DNAH12: variants seen among roughly 807,000 people sequenced by gnomAD.
The protein encoded by DNAH12 is axonemal beta dynein heavy chain 12.
In DNAH12, 285 loss-of-function variants were observed where a neutral mutation model predicts 371.5. The observed-to-expected ratio is 0.77, with a 90% CI of 0.70 to 0.85. The LOEUF is 0.85. Among genes scored for constraint, DNAH12 ranks in the 40% least tolerant of loss-of-function variants. The pLI is 0.00. For missense variants in DNAH12, 3,611 were observed against 3,689.4 expected (o/e 0.98, Z 0.55); for synonymous variants, 1,200 against 1,213.0 (o/e 0.99, Z 0.22).
chr3:57,493,659 A>G (rs919307782), intron 11 of DNAH12: 1 of 152,154 alleles, frequency 6.6e-6, no homozygotes, highest in African/African-American at 2.4e-5. Flanking sequence ...CCAAAAAAGC[A>G]TTAAACAAAC....
intron 42 of DNAH12, among the ~76,000 whole-genome samples, 172 bp from the exon 43 acceptor site, chr3:57,403,673 C>T (rs1420524685): frequency 6.6e-6 from 1 of 152,098 alleles, no homozygotes; most frequent in Non-Finnish European, 1.5e-5. Context: ...AAAGCAGTTA[C>T]AACTGGATCA....
intron 70 of DNAH12, 106 bp from the exon 71 acceptor site, chr3:57,297,090 C>G: frequency 7.7e-7 from 1 of 1,303,760 alleles, no homozygotes; most frequent in Non-Finnish European, 1.1e-6. Flanking sequence ...CCCACATTTT[C>G]CATCACGAGG....
intron 56 of DNAH12, among the ~76,000 whole-genome samples, 153 bp downstream of exon 56, chr3:57,367,893 A>G (rs1368715184): frequency 1.3e-5 from 2 of 152,350 alleles, no homozygotes; most frequent in East Asian, 3.9e-4. Context: ...CATTCCTGAT[A>G]GCTTGTTCCA....
intron 65 of DNAH12, among the ~76,000 whole-genome samples, chr3:57,316,991 G>C (rs1575440971): frequency 1.3e-5 from 2 of 152,274 alleles, no homozygotes; most frequent in East Asian, 3.9e-4. Context: ...TTGAGCCTCA[G>C]TTTCCTTATT....
intron 39 of DNAH12, among the ~76,000 whole-genome samples, chr3:57,410,981 T>A (rs2064183465): frequency 1.3e-5 from 2 of 151,886 alleles, no homozygotes; most frequent in African/African-American, 4.8e-5. Context: ...AAATGTCCCC[T>A]CTCATGACTT....
intron 25 of DNAH12, 129 bp downstream of exon 25, chr3:57,452,714 C>A: frequency 1.2e-6 from 1 of 867,718 alleles, no homozygotes; most frequent in East Asian, 2.8e-5. Flanking sequence ...TATAATTTTG[C>A]ATAAAGAGAA....
intron 36 of DNAH12, among the ~76,000 whole-genome samples, chr3:57,420,908 C>CAAAAAAAAAAAAAA (rs369971376): frequency 1.3e-5 from 1 of 78,014 alleles, no homozygotes; most frequent in African/African-American, 5.3e-5. Flanking sequence ...GACTCCGTCT[C>CAAAAAAAAAAAAAA]AAAAAAAAAA....
chr3:57,478,195 C>T (rs919605387), intron 13 of DNAH12, among the ~76,000 whole-genome samples: 1 of 152,138 alleles, frequency 6.6e-6, no homozygotes, highest in Admixed American at 6.5e-5. Flanking sequence ...AGACGAATGG[C>T]TAACTAGAAT....
In DNAH12 at chr3:57,293,834, T is replaced by C. The variant is rs147966541; in HGVS notation, c.11830A>G (p.Thr3944Ala). ...IAMLLKTDQP[T>A]RHWIKRGVAL... ...ACCCCGCGCTTGATCCAGTGCCGAG[T>C]AGGTTGGTCTGTTTTTAACAACATT... The change falls in exon 74 of 74, where the codon ACT becomes GCT. Residue 3944 changes from threonine (T) to alanine (A), a missense_variant. This residue lies in a region of DNAH12 where 2,266 missense variants were observed against 2,236.9 expected (regional missense o/e 1.01). Coordinates refer to ENST00000495027, the MANE Select transcript of DNAH12 (RefSeq NM_001366028.2). 38 of 1,550,478 alleles carry C rather than the reference T, an allele frequency of 2.5e-5. No individual in the cohort carries two copies. In the African/African-American group the frequency reaches 4.8e-4, roughly 20 times the overall value.
chr3:57,308,477 GC>G (rs200205506), intron 69 of DNAH12, among the ~76,000 whole-genome samples: 29,840 of 152,050 alleles, frequency 0.2, 3,187 homozygotes, highest in African/African-American at 0.24. Context: ...GCCCATTTAA[GC>G]TCCTGTATAG....
At chr3:57,436,202 C>G (rs1185357684) in intron 30 of DNAH12, among the ~76,000 whole-genome samples, 1 of 152,008 alleles carries the variant, frequency 6.6e-6, no homozygotes, top group African/African-American at 2.4e-5. Flanking sequence ...ACACACATAA[C>G]TTACTTATAT....
At chr3:57,432,239 G>A (rs186164822) in intron 32 of DNAH12, among the ~76,000 whole-genome samples, 179 of 144,636 alleles carry the variant, frequency 1.2e-3, no homozygotes, top group African/African-American at 4.2e-3. Context: ...GTGTGATCTC[G>A]GTTAACTGCA....
rs764250955 is a variant in DNAH12 at position 57,510,798 on chromosome 3, C to A, written c.461G>T (p.Arg154Ile). Reference protein sequence around the residue: ...VSSDFENSMKRYLVQSVLVKP... With the variant: ...VSSDFENSMKIYLVQSVLVKP... ...TGTTAGATGCTACTTACCCAAATAT[C>A]TCTTCATGCTGTTTTCAAAGTCACT... The change falls in exon 5 of 74, where the codon AGA (arginine) becomes ATA (isoleucine). Residue 154 changes from arginine to isoleucine, a missense_variant. This residue lies in a region of DNAH12 where 1,314 missense variants were observed against 1,398.7 expected (regional missense o/e 0.94). Coordinates refer to ENST00000495027, the MANE Select transcript of DNAH12 (RefSeq NM_001366028.2). The A allele has an allele frequency of 1.2e-6, 2 of 1,613,716 alleles. No homozygotes were observed. Among genetic ancestry groups the A allele is most frequent in the Admixed American group, 3.3e-5 (2 of 59,888 alleles).
chr3:57,455,410 A>G (rs2065875749), intron 22 of DNAH12, among the ~76,000 whole-genome samples: 1 of 146,234 alleles, frequency 6.8e-6, no homozygotes, highest in Non-Finnish European at 1.5e-5. Flanking sequence ...ACTAAAAATA[A>G]AAAAAAAAAA....
At chr3:57,389,793 C>T (rs2063570998) in intron 45 of DNAH12, among the ~76,000 whole-genome samples, 2 of 94,176 alleles carry the variant, frequency 2.1e-5, no homozygotes, top group African/African-American at 6.6e-5. Flanking sequence ...AATATATATA[C>T]ACATATGTGT....
intron 11 of DNAH12, among the ~76,000 whole-genome samples, chr3:57,498,711 TAA>T (rs1391941623): frequency 6.6e-6 from 1 of 151,894 alleles, no homozygotes; most frequent in Non-Finnish European, 1.5e-5. Flanking sequence ...ATAAAAGGAA[TAA>T]GTTAGGCTAG....
chr3:57,401,932 C>T (rs1449203482), intron 43 of DNAH12, among the ~76,000 whole-genome samples: 1 of 152,106 alleles, frequency 6.6e-6, no homozygotes, highest in Non-Finnish European at 1.5e-5. Flanking sequence ...AAGCACCGAT[C>T]GATTTATTAA....
Position 57,415,703 on chromosome 3 carries a change from C to A in DNAH12, c.5715-139G>T, listed in dbSNP as rs538410894. The A allele has an allele frequency of 4.5e-4, 350 of 770,862 alleles. 1 individual carries two copies. The African/African-American group carries it at 5.5e-3, about 12-fold the overall frequency. The allele number at this position is 770,862 out of a possible 1,614,324, so 47.8% of individuals were successfully genotyped here. A position where few individuals can be genotyped will look rare whatever the true frequency, so the allele number is the denominator to read the frequency against. ...AACTCATTTTTACCTATAGTTATTTCATGAAAGACAGATAAAAGTAATGAT... is the reference window on the plus strand; with the variant it reads ...AACTCATTTTTACCTATAGTTATTTAATGAAAGACAGATAAAAGTAATGAT... On this transcript the variant is annotated intron_variant, in intron 37 of 73. Coordinates refer to ENST00000495027, the MANE Select transcript of DNAH12 (RefSeq NM_001366028.2).
chr3:57,389,135 G>T, intron 45 of DNAH12, among the ~76,000 whole-genome samples: 1 of 151,102 alleles, frequency 6.6e-6, no homozygotes, highest in African/African-American at 2.4e-5. Context: ...CTTCCCTTTA[G>T]TGTTTGTCAC....
Sources: allele counts gnomAD v4.1 joint callset (sites outside exome capture counted in the v4.1 genomes callset), GRCh38; gene constraint gnomAD v4.1.1; regional missense constraint gnomAD v4.1.1; transcripts MANE v1.5; gene names NCBI Gene and HGNC (gene_info 2026-07-23, HGNC 2026-07-21).